Variants in PCDH15 observed in about 807,000 individuals in gnomAD.
PCDH15 encodes protocadherin-15.
A neutral mutation model predicts 178.5 loss-of-function variants in PCDH15; 129 were observed. That is an observed-to-expected ratio of 0.72 (90% confidence interval 0.63 to 0.84). The LOEUF (loss-of-function observed/expected upper bound fraction) is 0.84. Ranked by LOEUF, PCDH15 falls within the 40% of genes least tolerant of loss-of-function variation. The pLI, the probability that PCDH15 is intolerant of heterozygous loss-of-function variation, is 0.00. For synonymous variants in PCDH15, 800 were observed against 732.0 expected (o/e 1.09, Z -1.50); for missense variants, 2,230 against 2,099.9 (o/e 1.06, Z -1.21).
intron 6 of PCDH15, among the ~76,000 whole-genome samples, chr10:54,338,501 C>T (rs1941627311): frequency 6.6e-6 from 1 of 152,046 alleles, no homozygotes; most frequent in Admixed American, 6.6e-5. Context: ...AACTTCCTGA[C>T]TCAGGAAATT....
At chr10:54,619,586 T>C (rs1813467221) in intron 2 of PCDH15, among the ~76,000 whole-genome samples, 1 of 151,988 alleles carries the variant, frequency 6.6e-6, no homozygotes, top group South Asian at 2.1e-4. Flanking sequence ...AATGCAGAGA[T>C]GTTAAGCAGA....
chr10:54,383,934 T>C (rs1286434796), intron 3 of PCDH15, among the ~76,000 whole-genome samples: 3 of 151,414 alleles, frequency 2.0e-5, no homozygotes, highest in Non-Finnish European at 4.4e-5. Context: ...TTCTCGTGAC[T>C]CAGCCTCCAT....
chr10:54,286,739 G>A (rs1005448353), intron 8 of PCDH15, among the ~76,000 whole-genome samples: 2 of 152,024 alleles, frequency 1.3e-5, no homozygotes, highest in African/African-American at 2.4e-5. Flanking sequence ...AATTCTTCCT[G>A]CCTCAGCCTC....
chr10:55,482,394 T>C (rs1840200673), intron 2 of PCDH15, among the ~76,000 whole-genome samples: 3 of 151,884 alleles, frequency 2.0e-5, no homozygotes, highest in African/African-American at 7.2e-5. Context: ...AGACTTGTTT[T>C]CATGATTGCT....
chr10:55,472,164 C>T (rs1839969226), intron 2 of PCDH15, among the ~76,000 whole-genome samples: 1 of 152,154 alleles, frequency 6.6e-6, no homozygotes, highest in Non-Finnish European at 1.5e-5. Context: ...GAGATCATCT[C>T]TGAAATAAAT....
intron 1 of PCDH15, among the ~76,000 whole-genome samples, chr10:55,243,286 T>C (rs983960448): frequency 3.9e-5 from 6 of 152,204 alleles, no homozygotes; most frequent in Non-Finnish European, 1.5e-5. Flanking sequence ...TTTTATTTAG[T>C]TCAATATTGC....
At chr10:55,137,649 T>G (rs1320948318) in intron 2 of PCDH15, among the ~76,000 whole-genome samples, 4 of 152,122 alleles carry the variant, frequency 2.6e-5, no homozygotes, top group Non-Finnish European at 5.9e-5. Context: ...GGTCAAATAT[T>G]GTTTTATGTG....
intron 13 of PCDH15, among the ~76,000 whole-genome samples, chr10:54,170,676 C>T (rs2046802350): frequency 6.6e-6 from 1 of 151,848 alleles, no homozygotes; most frequent in African/African-American, 2.4e-5. Flanking sequence ...ATCCACCTGA[C>T]ATTCACCCCA....
intron 1 of PCDH15, among the ~76,000 whole-genome samples, chr10:54,781,197 G>A (rs566227092): frequency 1.6e-3 from 239 of 151,940 alleles, no homozygotes; most frequent in Middle Eastern, 3.4e-3. Flanking sequence ...TTAAGTTCTG[G>A]GGTACATATG....
At chr10:54,272,304 TTTGA>T (rs2058098949) in intron 8 of PCDH15, among the ~76,000 whole-genome samples, 2 of 151,876 alleles carry the variant, frequency 1.3e-5, no homozygotes, top group African/African-American at 4.8e-5. Context: ...TAGTCTATTA[TTTGA>T]TTAATTGTAC....
chr10:54,930,220 G>C (rs1360764278), intron 2 of PCDH15, among the ~76,000 whole-genome samples: 1 of 152,078 alleles, frequency 6.6e-6, no homozygotes, highest in Non-Finnish European at 1.5e-5. Flanking sequence ...ATTAGGGTGG[G>C]GTTGCAAGGT....
chr10:55,339,972 GA>G (rs1298986241), intron 2 of PCDH15, among the ~76,000 whole-genome samples: 6 of 150,244 alleles, frequency 4.0e-5, no homozygotes, highest in Non-Finnish European at 8.9e-5. Flanking sequence ...TTTTGAAAGA[GA>G]AAGATAAAGA....
intron 8 of PCDH15, among the ~76,000 whole-genome samples, chr10:54,247,203 C>T (rs1236782595): frequency 3.3e-5 from 5 of 151,748 alleles, no homozygotes; most frequent in African/African-American, 1.2e-4. Flanking sequence ...TACACATATC[C>T]TGAATGTATG....
At chr10:54,287,685 CT>C (rs1187449831) in intron 8 of PCDH15, among the ~76,000 whole-genome samples, 1 of 152,102 alleles carries the variant, frequency 6.6e-6, no homozygotes, top group African/African-American at 2.4e-5. Flanking sequence ...TTTATATATA[CT>C]TCCTGCTGTT....
intron 2 of PCDH15, among the ~76,000 whole-genome samples, chr10:54,904,034 A>C (rs891364006): frequency 2.0e-5 from 3 of 152,098 alleles, no homozygotes; most frequent in Admixed American, 6.6e-5. Flanking sequence ...GGCTTTAGTT[A>C]GGATGCTGTC....
intron 3 of PCDH15, among the ~76,000 whole-genome samples, chr10:54,448,136 T>C (rs2076255325): frequency 6.6e-6 from 1 of 151,766 alleles, no homozygotes; most frequent in Admixed American, 6.6e-5. Flanking sequence ...TTGGGCCACA[T>C]ACATAATTAA....
At chr10:55,526,769 G>A (rs1841310103) in intron 2 of PCDH15, among the ~76,000 whole-genome samples, 1 of 151,986 alleles carries the variant, frequency 6.6e-6, no homozygotes, top group Admixed American at 6.6e-5. Context: ...CCTAATTAGA[G>A]ATTCACAGGG....
intron 18 of PCDH15, among the ~76,000 whole-genome samples, chr10:54,061,453 T>TA (rs1170080599): frequency 1.4e-5 from 2 of 144,648 alleles, no homozygotes; most frequent in African/African-American, 4.9e-5. Context: ...AATACTGACT[T>TA]AGAGTCCTCA....
At chr10:55,371,590 TA>T (rs1303536559) in intron 2 of PCDH15, among the ~76,000 whole-genome samples, 1 of 152,044 alleles carries the variant, frequency 6.6e-6, no homozygotes, top group African/African-American at 2.4e-5. Flanking sequence ...TGAAAGTGTG[TA>T]GCACTTCCCC....
Sources: gnomAD v4.1 joint callset for allele counts (sites outside exome capture counted in the v4.1 genomes callset) on GRCh38, gnomAD v4.1.1 for gene constraint, MANE v1.5 for transcripts, NCBI Gene and HGNC (gene_info 2026-07-23, HGNC 2026-07-21) for gene names.